ZYX: variants seen among roughly 807,000 people sequenced by gnomAD.
The protein encoded by ZYX is zyxin, also known as zyxin-2.
ZYX carries 37 observed loss-of-function variants against 58.1 expected under a neutral mutation model. The ratio of observed to expected loss-of-function variants is 0.64; its 90% CI spans 0.49 to 0.84. The LOEUF (loss-of-function observed/expected upper bound fraction) is 0.84. Among genes scored for constraint, ZYX ranks in the 40% least tolerant of loss-of-function variants. The pLI is 0.00. For missense variants in ZYX, 762 were observed against 761.6 expected (o/e 1.00, Z -0.01); for synonymous variants, 324 against 321.1 (o/e 1.01, Z -0.10).
chr7:143,390,992 G>A lies in ZYX; in HGVS notation c.*310G>A, dbSNP rs4859. On this transcript the variant is annotated 3_prime_UTR_variant, in exon 10 of 10. Transcript: ENST00000322764. The surrounding 1 kb of genome is among the most constrained non-coding windows in gnomAD (Gnocchi z 4.3). ...CACCCGCGCCCTCGGCCGGCCCCCCGAGCAGCCTTTGTACTCTGCTTGCGG... is the reference window on the plus strand; with the variant it reads ...CACCCGCGCCCTCGGCCGGCCCCCCAAGCAGCCTTTGTACTCTGCTTGCGG... The A allele has an allele frequency of 0.17, 64,884 of 385,636 alleles. 6,207 individuals are homozygous for A. Among genetic ancestry groups the A allele is most frequent in the Non-Finnish European group, 0.2 (41,963 of 206,612 alleles). 23.9% of individuals were successfully genotyped at this position (385,636 alleles called of 1,614,324 possible). A position where few individuals can be genotyped will look rare whatever the true frequency, so the allele number is the denominator to read the frequency against.
In ZYX at chr7:143,383,269, C is replaced by T. The variant is rs1804720013; in HGVS notation, c.970C>T (p.Arg324Ter). The change falls in exon 5 of 10, where the codon CGA (arginine) becomes TGA (stop). Residue 324 changes from arginine (R) to a stop codon, truncating the protein, a stop_gained. Coordinates refer to ENST00000322764, the MANE Select transcript of ZYX (RefSeq NM_003461.5). LOFTEE classifies it high-confidence loss of function. ...FTYAQQREKP[R>*]VQEKQHPVPP... ...CTATGCCCAGCAGAGGGAGAAGCCCCGAGTGCAGGAGAAGCAGCACCCCGT... is the reference window on the plus strand; with the variant it reads ...CTATGCCCAGCAGAGGGAGAAGCCCTGAGTGCAGGAGAAGCAGCACCCCGT... 2.5e-6 allele frequency: 4 copies of T among 1,613,718 alleles called. No homozygotes were observed. The highest frequency in any genetic ancestry group is 2.5e-6 in the Non-Finnish European group (3 of 1,179,936).
chr7:143,390,844 C>A lies in ZYX; in HGVS notation c.*162C>A. 1 of 617,778 alleles carries A rather than the reference C, an allele frequency of 1.6e-6. No homozygotes were observed. The highest frequency in any genetic ancestry group is 2.9e-6 in the Non-Finnish European group (1 of 344,186). The allele number at this position is 617,778 out of a possible 1,614,324, so 38.3% of individuals were successfully genotyped here. On this transcript the variant is annotated 3_prime_UTR_variant, in exon 10 of 10. Coordinates refer to ENST00000322764, the MANE Select transcript of ZYX (RefSeq NM_003461.5). The surrounding 1 kb of genome is among the most constrained non-coding windows in gnomAD (Gnocchi z 4.3). ...GCCCTGACCCAGGACCCAACATGGTCTAGGGATGCAGGATCCCCGCCCTGG... is the reference window on the plus strand; with the variant it reads ...GCCCTGACCCAGGACCCAACATGGTATAGGGATGCAGGATCCCCGCCCTGG...
chr7:143,382,194 C>A (rs568434903), intron 2 of ZYX, 54 bp from the exon 3 acceptor site: 3 of 1,474,082 alleles, frequency 2.0e-6, no homozygotes, highest in Admixed American at 3.6e-5. Flanking sequence ...CTGAGGGGAG[C>A]TTGGGTGAGG....
At chr7:143,383,414 G>A (rs1370481075) in intron 5 of ZYX, 92 bp downstream of exon 5, 3 of 1,444,970 alleles carry the variant, frequency 2.1e-6, no homozygotes, top group Non-Finnish European at 2.7e-6. Context: ...TGATTGGAGA[G>A]TCAGGGTGGA....
chr7:143,390,182 T>G lies in ZYX; in HGVS notation c.1614+205T>G. ...GGGCTGTGGGGCTTCTGAGGTCACT[T>G]TGAGTCATGGATAAGCCAAGAAATG... is the stretch of plus-strand genomic sequence containing the variant. On this transcript the variant is annotated intron_variant, in intron 9 of 9. Transcript: ENST00000322764. This position sits in a 1 kb window ranked among gnomAD's most constrained non-coding sequence, Gnocchi z 4.3. The G allele has an allele frequency of 3.0e-6, 2 of 663,884 alleles. No individual in the cohort carries two copies. The highest frequency in any genetic ancestry group is 3.8e-5 in the South Asian group (2 of 52,142). 41.1% of individuals were successfully genotyped at this position (663,884 alleles called of 1,614,324 possible).
In ZYX at chr7:143,381,613, C is replaced by G. The variant is rs773267802; in HGVS notation, c.42C>G (p.Val14=). The change falls in exon 2 of 10, where the codon GTC becomes GTG. Residue 14 remains valine, a synonymous_variant. Transcript: ENST00000322764. ...CGTCTCCCGCGATCTCCGTTTCGGT[C>G]TCGGCTCCGGCTTTTTACGCCCCGC... The part of the protein sequence containing the change: ...PRPSPAISVS[V]SAPAFYAPQK... The G allele has an allele frequency of 4.1e-5, 66 of 1,611,966 alleles. 1 individual carries two copies. In the Middle Eastern group the frequency reaches 4.9e-4, roughly 12 times the overall value.
rs1203740730 is a variant in ZYX, at chr7:143,382,348, A to G, written c.309A>G (p.Ser103=). The G allele has an allele frequency of 6.2e-7, 1 of 1,602,830 alleles. No homozygotes were observed. The highest frequency in any genetic ancestry group is 8.5e-7 in the Non-Finnish European group (1 of 1,173,708). The change falls in exon 3 of 10, where the codon TCA becomes TCG. Residue 103 remains serine (S), a synonymous_variant. Coordinates refer to ENST00000322764, the MANE Select transcript of ZYX (RefSeq NM_003461.5). ...FPPPPPPIEE[S]FPPAPLEEEI... The stretch of plus-strand genomic sequence containing the variant: ...CGCCCCCTCCCCCGATCGAGGAATC[A>G]TTTCCCCCTGCGCCTCTGGAGGAGG...
At position 143,390,487 on chromosome 7, in the gene ZYX, TA is replaced by T; in HGVS notation, c.1615-89del. 1 of 961,738 alleles carries T rather than the reference TA, an allele frequency of 1.0e-6. No homozygotes were observed. Among genetic ancestry groups the T allele is most frequent in the Non-Finnish European group, 1.6e-6 (1 of 631,682 alleles). 59.6% of individuals were successfully genotyped at this position (961,738 alleles called of 1,614,324 possible). A position where few individuals can be genotyped will look rare whatever the true frequency, so the allele number is the denominator to read the frequency against. On this transcript the variant is annotated intron_variant, in intron 9 of 9. Transcript: ENST00000322764. This position sits in a 1 kb window ranked among gnomAD's most constrained non-coding sequence, Gnocchi z 4.3. ...AGCTCTGAGCCATGAAGCATCTTTC[TA>T]ATTCCAAGATGGAGCTGGATGGGGT...
In ZYX at chr7:143,381,584, C is replaced by A; in HGVS notation, c.13C>A (p.Arg5Ser). Reference protein sequence around the residue: MAAPRPSPAISVSVS... With the variant: MAAPSPSPAISVSVS... Reference sequence around the variant, plus strand: ...GCCCGGCCCGGCCATGGCGGCCCCCCGCCCGTCTCCCGCGATCTCCGTTTC... The same window carrying A: ...GCCCGGCCCGGCCATGGCGGCCCCCAGCCCGTCTCCCGCGATCTCCGTTTC... Residue 5 changes from arginine (R) to serine (S), a missense_variant, in exon 2 of 10, where the codon CGC (arginine) becomes AGC (serine). Arg to Ser is a moderately radical substitution (Grantham distance 110). Transcript: ENST00000322764. 6.2e-7 allele frequency: 1 copy of A among 1,610,600 alleles called. No homozygotes were observed. Among genetic ancestry groups the A allele is most frequent in the Non-Finnish European group, 8.5e-7 (1 of 1,178,852 alleles).
At position 143,384,842 on chromosome 7, in the gene ZYX, G is replaced by A. The variant is rs77548915; in HGVS notation, c.1023+1520G>A. Reference sequence around the variant, plus strand: ...GTCCAGAAGGGGAAATGGTTTGGACGGGAAGAGGAGGGGTCCAGCTGTCAA... The same window carrying A: ...GTCCAGAAGGGGAAATGGTTTGGACAGGAAGAGGAGGGGTCCAGCTGTCAA... On this transcript the variant is annotated intron_variant, in intron 5 of 9. Coordinates refer to ENST00000322764, the MANE Select transcript of ZYX (RefSeq NM_003461.5). The surrounding 1 kb of genome is among the most constrained non-coding windows in gnomAD (Gnocchi z 4.9). Among the ~76,000 whole-genome samples the A allele has an allele frequency of 9.8e-3, 1,489 of 152,256 alleles. 78 individuals are homozygous for A. The highest frequency in any genetic ancestry group is 0.079 in the Admixed American group (1,207 of 15,290).
At chr7:143,382,718 C>T (rs1323004571) in intron 4 of ZYX, 33 bp downstream of exon 4, 4 of 1,613,932 alleles carry the variant, frequency 2.5e-6, no homozygotes, top group Non-Finnish European at 3.4e-6. Flanking sequence ...AAGCAGGGCT[C>T]AGGGCCAGAG....
Position 143,384,506 on chromosome 7 carries a change from T to A in ZYX, c.1023+1184T>A, listed in dbSNP as rs1804786616. On this transcript the variant is annotated intron_variant, in intron 5 of 9. Transcript: ENST00000322764. This position sits in a 1 kb window ranked among gnomAD's most constrained non-coding sequence, Gnocchi z 4.9. ...GATTTTTGAGTAGGTGTGGGGTGGG[T>A]CAGGAGGGCTGGTGAAAGCAGTGTT... 6.6e-6 allele frequency among the ~76,000 whole-genome samples: 1 copy of A among 151,880 alleles called. No homozygotes were observed. Among genetic ancestry groups the A allele is most frequent in the Non-Finnish European group, 1.5e-5 (1 of 67,986 alleles).
At position 143,381,423 on chromosome 7, in the gene ZYX, AGCGGCAGG is replaced by A. The variant is rs1804564193; in HGVS notation, c.-16+20_-16+27del. 1 of 1,244,698 alleles carries A rather than the reference AGCGGCAGG, an allele frequency of 8.0e-7. No homozygotes were observed. Among genetic ancestry groups the A allele is most frequent in the Admixed American group, 4.4e-5 (1 of 22,690 alleles). The allele number at this position is 1,244,698 out of a possible 1,614,324, so 77.1% of individuals were successfully genotyped here. ...CTCCGGCCTGCGGTGAGGCGCGGGG[AGCGGCAGG>A]GCGGCCCCACGGGGAGGGGGCGCGG... On this transcript the variant is annotated intron_variant, in intron 1 of 9. Transcript: ENST00000322764.
Position 143,388,641 on chromosome 7 carries a change from T to C in ZYX, c.1297T>C (p.Cys433Arg), listed in dbSNP as rs1453770764. Residue 433 changes from cysteine to arginine, a missense_variant, in exon 7 of 10, where the codon TGC (cysteine) becomes CGC (arginine). Cys to Arg is a radical substitution (Grantham distance 180). Transcript: ENST00000322764. The surrounding 1 kb of genome is among the most constrained non-coding windows in gnomAD (Gnocchi z 7.5). Reference sequence around the variant, plus strand: ...CTACAGTCTGGAGGGGGCGCCGTACTGCGAGGGCTGTTACACTGTGAGTCG... The same window carrying C: ...CTACAGTCTGGAGGGGGCGCCGTACCGCGAGGGCTGTTACACTGTGAGTCG... The part of the protein sequence containing the change: ...QFYSLEGAPY[C>R]EGCYTDTLEK... The C allele has an allele frequency of 1.9e-6, 3 of 1,613,654 alleles. No homozygotes were observed. Among genetic ancestry groups the C allele is most frequent in the Non-Finnish European group, 2.5e-6 (3 of 1,179,906 alleles).
Position 143,384,254 on chromosome 7 carries a change from C to T in ZYX, c.1023+932C>T. The T allele has an allele frequency of 2.1e-6, 1 of 471,590 alleles. No individual in the cohort carries two copies. Among genetic ancestry groups the T allele is most frequent in the South Asian group, 1.5e-5 (1 of 64,556 alleles). 29.2% of individuals were successfully genotyped at this position (471,590 alleles called of 1,614,324 possible). A position where few individuals can be genotyped will look rare whatever the true frequency, so the allele number is the denominator to read the frequency against. ...GAGCTTTGCAGAATCCTGTGAGTCA[C>T]AGGCACTCAGACCAGGGAGTCAACT... On this transcript the variant is annotated intron_variant, in intron 5 of 9. Coordinates refer to ENST00000322764, the MANE Select transcript of ZYX (RefSeq NM_003461.5). This position sits in a 1 kb window ranked among gnomAD's most constrained non-coding sequence, Gnocchi z 4.9.
intron 3 of ZYX, 52 bp from the exon 4 acceptor site, chr7:143,382,541 G>T (rs1480192346): frequency 1.9e-6 from 3 of 1,605,754 alleles, no homozygotes; most frequent in Non-Finnish European, 2.6e-6. Context: ...CTCTGCCTTG[G>T]GGGTGGGGGG....
chr7:143,390,983 C>T lies in ZYX; in HGVS notation c.*301C>T, dbSNP rs144114027. ...TCACTGCTGCACCCGCGCCCTCGGC[C>T]GGCCCCCCGAGCAGCCTTTGTACTC... On this transcript the variant is annotated 3_prime_UTR_variant, in exon 10 of 10. Coordinates refer to ENST00000322764, the MANE Select transcript of ZYX (RefSeq NM_003461.5). The surrounding 1 kb of genome is among the most constrained non-coding windows in gnomAD (Gnocchi z 4.3). 9,256 of 402,962 alleles carry T rather than the reference C, an allele frequency of 0.023. 196 individuals carry two copies. The highest frequency in any genetic ancestry group is 0.033 in the Non-Finnish European group (7,142 of 218,128). The allele number at this position is 402,962 out of a possible 1,614,324, so 25.0% of individuals were successfully genotyped here. A position where few individuals can be genotyped will look rare whatever the true frequency, so the allele number is the denominator to read the frequency against.
Position 143,386,267 on chromosome 7 carries a change from T to C in ZYX, c.1024-1952T>C, listed in dbSNP as rs1245569781. ...CGGTCCCTGGAGGAGATCTTGGTGA[T>C]GTCTCCTCCCCCAGAGGCATACCAG... is the stretch of plus-strand genomic sequence containing the variant. On this transcript the variant is annotated intron_variant, in intron 5 of 9. Transcript: ENST00000322764. 3.9e-5 allele frequency among the ~76,000 whole-genome samples: 6 copies of C among 152,032 alleles called. No homozygotes were observed. The East Asian group carries it at 1.2e-3, about 29-fold the overall frequency.
In ZYX at chr7:143,388,664, T is replaced by C; in HGVS notation, c.1314+6T>C. 6.2e-7 allele frequency: 1 copy of C among 1,606,418 alleles called. No individual in the cohort carries two copies. The highest frequency in any genetic ancestry group is 8.5e-7 in the Non-Finnish European group (1 of 1,175,640). ...ACTGCGAGGGCTGTTACACTGTGAG[T>C]CGGGCTGTGCTGGGCTGTGCTGGGC... On this transcript the variant is annotated splice_donor_region_variant and intron_variant, in intron 7 of 9. Transcript: ENST00000322764. The surrounding 1 kb of genome is among the most constrained non-coding windows in gnomAD (Gnocchi z 7.5).
Sources: gnomAD v4.1 joint callset for allele counts (sites outside exome capture counted in the v4.1 genomes callset) on GRCh38, gnomAD v4.1.1 for gene constraint, Gnocchi (gnomAD v3.1) non-coding constraint, MANE v1.5 for transcripts, NCBI Gene and HGNC (gene_info 2026-07-23, HGNC 2026-07-21) for gene names.